Variants in CHP1 observed in about 807,000 individuals in gnomAD.
The protein encoded by CHP1 is calcineurin like EF-hand protein 1, also known as calcineurin B homologous protein 1.
A neutral mutation model predicts 27.4 loss-of-function variants in CHP1; 11 were observed. The observed-to-expected ratio is 0.40, with a 90% CI of 0.25 to 0.67. The LOEUF is 0.67. Among genes scored for constraint, CHP1 ranks in the 30% least tolerant of loss-of-function variants. The pLI is 0.38. For synonymous variants in CHP1, 89 were observed against 87.4 expected (o/e 1.02, Z -0.10); for missense variants, 169 against 251.3 (o/e 0.67, Z 2.22).
At chr15:41,243,159 G>C (rs1205872864) in intron 1 of CHP1, among the ~76,000 whole-genome samples, 1 of 151,924 alleles carries the variant, frequency 6.6e-6, no homozygotes, top group Non-Finnish European at 1.5e-5. Flanking sequence ...AGCCAACATG[G>C]CGAAACCCCG....
intron 2 of CHP1, among the ~76,000 whole-genome samples, chr15:41,249,346 T>C (rs991453593): frequency 6.6e-6 from 1 of 151,178 alleles, no homozygotes; most frequent in Admixed American, 6.6e-5. Flanking sequence ...AGAGAGGAGG[T>C]CTCGCCATGT....
intron 4 of CHP1, among the ~76,000 whole-genome samples, chr15:41,266,012 G>T (rs62001388): frequency 5.6e-4 from 85 of 152,174 alleles, no homozygotes; most frequent in Non-Finnish European, 1.1e-3. Context: ...GGCCAGGCGC[G>T]GTGGCTCATG....
At chr15:41,269,425 A>T (rs1360863407) in intron 4 of CHP1, among the ~76,000 whole-genome samples, 1 of 152,158 alleles carries the variant, frequency 6.6e-6, no homozygotes, top group African/African-American at 2.4e-5. Context: ...ATATTAATCC[A>T]TGTTCTTATG....
chr15:41,263,830 G>A (rs975849171), intron 4 of CHP1, among the ~76,000 whole-genome samples: 1 of 152,136 alleles, frequency 6.6e-6, no homozygotes, highest in Non-Finnish European at 1.5e-5. Context: ...AACCTTGATG[G>A]CACCACTGCA....
chr15:41,269,210 T>TAAATA (rs1369682932), intron 4 of CHP1, among the ~76,000 whole-genome samples: 1 of 150,188 alleles, frequency 6.7e-6, no homozygotes. Context: ...CTGAAAAAAA[T>TAAATA]AAATAAATAA....
At chr15:41,274,523 G>A (rs983851768) in intron 5 of CHP1, among the ~76,000 whole-genome samples, 1 of 152,060 alleles carries the variant, frequency 6.6e-6, no homozygotes, top group Non-Finnish European at 1.5e-5. Context: ...CAAGTAGGTG[G>A]GTCCAGTAGC....
chr15:41,231,791 A>G (rs548100071), intron 1 of CHP1, among the ~76,000 whole-genome samples: 32 of 152,232 alleles, frequency 2.1e-4, no homozygotes, highest in Admixed American at 1.0e-3. Context: ...GGCATCCTGA[A>G]CAGTAGGTAA....
intron 5 of CHP1, among the ~76,000 whole-genome samples, chr15:41,273,828 C>T (rs1267737447): frequency 4.0e-5 from 6 of 151,544 alleles, no homozygotes; most frequent in South Asian, 2.1e-4. Flanking sequence ...GTAATTCCAG[C>T]TACTCGGGAG....
At chr15:41,269,621 G>A (rs904178447) in intron 4 of CHP1, among the ~76,000 whole-genome samples, 1 of 152,080 alleles carries the variant, frequency 6.6e-6, no homozygotes, top group Non-Finnish European at 1.5e-5. Flanking sequence ...GGATGTACTC[G>A]AGAGTCGTGT....
intron 6 of CHP1, 103 bp downstream of exon 6, chr15:41,278,992 C>T (rs1350528169): frequency 1.1e-5 from 15 of 1,419,888 alleles, no homozygotes; most frequent in Non-Finnish European, 1.4e-5. Flanking sequence ...GTGGGCGGAT[C>T]ACGAGGTCAG....
intron 4 of CHP1, among the ~76,000 whole-genome samples, chr15:41,268,944 A>C (rs2047475362): frequency 6.6e-6 from 1 of 152,154 alleles, no homozygotes; most frequent in African/African-American, 2.4e-5. Context: ...TGGGCAACAG[A>C]GCAAGACTCT....
intron 2 of CHP1, among the ~76,000 whole-genome samples, chr15:41,245,250 C>T (rs1350489675): frequency 6.6e-6 from 1 of 152,168 alleles, no homozygotes; most frequent in Non-Finnish European, 1.5e-5. Context: ...CACCTGAGAT[C>T]AGGAGTTCGA....
In CHP1 at chr15:41,279,461, C is replaced by A; in HGVS notation, c.*72C>A. The A allele has an allele frequency of 8.1e-7, 1 of 1,236,416 alleles. No homozygotes were observed. The highest frequency in any genetic ancestry group is 1.2e-6 in the Non-Finnish European group (1 of 843,534). 76.6% of individuals were successfully genotyped at this position (1,236,416 alleles called of 1,614,324 possible). ...TTGAAAGTCCTCCTTCTACCAACTCCACCTCCACCCCCTCATTCCCCTTCT... is the reference window on the plus strand; with the variant it reads ...TTGAAAGTCCTCCTTCTACCAACTCAACCTCCACCCCCTCATTCCCCTTCT... On this transcript the variant is annotated 3_prime_UTR_variant, in exon 7 of 7. Coordinates refer to ENST00000334660, the MANE Select transcript of CHP1 (RefSeq NM_007236.5).
At chr15:41,272,793 A>G (rs967671589) in intron 5 of CHP1, among the ~76,000 whole-genome samples, 10 of 152,076 alleles carry the variant, frequency 6.6e-5, no homozygotes, top group Non-Finnish European at 1.0e-4. Context: ...TCATGCCTGT[A>G]ATCCCAGCAC....
At chr15:41,243,550 G>A in intron 1 of CHP1, 117 bp from the exon 2 acceptor site, 1 of 679,150 alleles carries the variant, frequency 1.5e-6, no homozygotes, top group Admixed American at 2.7e-5. Flanking sequence ...ACATTCTAGA[G>A]ATAAGAGTTT....
chr15:41,246,525 G>A (rs951348754), intron 2 of CHP1, among the ~76,000 whole-genome samples: 7 of 150,510 alleles, frequency 4.7e-5, no homozygotes, highest in Non-Finnish European at 8.9e-5. Context: ...TCACCATCTT[G>A]GCCAGGCTGG....
intron 2 of CHP1, among the ~76,000 whole-genome samples, chr15:41,247,588 C>T (rs556327132): frequency 2.6e-5 from 4 of 151,542 alleles, no homozygotes; most frequent in Non-Finnish European, 5.9e-5. Context: ...AGGAGAATCA[C>T]TTGAACCCGG....
At chr15:41,245,240 C>T (rs1219657920) in intron 2 of CHP1, among the ~76,000 whole-genome samples, 2 of 152,184 alleles carry the variant, frequency 1.3e-5, no homozygotes, top group Admixed American at 6.5e-5. Context: ...GCGGGCGGAT[C>T]ACCTGAGATC....
intron 4 of CHP1, among the ~76,000 whole-genome samples, chr15:41,270,152 T>C (rs1567011257): frequency 6.6e-6 from 1 of 152,160 alleles, no homozygotes; most frequent in Non-Finnish European, 1.5e-5. Context: ...AAAGCTGTGG[T>C]CAGCTCTCAT....
Sources: allele counts gnomAD v4.1 joint callset (sites outside exome capture counted in the v4.1 genomes callset), GRCh38; gene constraint gnomAD v4.1.1; transcripts MANE v1.5; gene names NCBI Gene and HGNC (gene_info 2026-07-23, HGNC 2026-07-21).